TEP1: variants seen among roughly 807,000 people sequenced by gnomAD.
The protein encoded by TEP1 is telomerase protein component 1.
TEP1 carries 241 observed loss-of-function variants against 306.3 expected under a neutral mutation model. The observed-to-expected ratio is 0.79, with a 90% confidence interval of 0.71 to 0.88. TEP1 has a LOEUF of 0.88. Ranked by LOEUF, TEP1 falls within the 40% of genes least tolerant of loss-of-function variation. The pLI, the probability that TEP1 is intolerant of heterozygous loss-of-function variation, is 0.00. For missense variants in TEP1, 3,051 were observed against 3,276.1 expected (o/e 0.93, Z 1.68); for synonymous variants, 1,289 against 1,305.5 (o/e 0.99, Z 0.27).
In TEP1 at chr14:20,404,717, A is replaced by G; in HGVS notation, c.926T>C (p.Leu309Ser). ...LNVRNVANNI[L>S]AIAAFLPACR... is the part of the protein sequence containing the mutation. ...CGCCGGCAAGAAAGCAGCAATGGCC[A>G]AGATGTTATTGGCCACATTCCGGAC... The change falls in exon 5 of 55, where the codon TTG (leucine) becomes TCG (serine). Residue 309 changes from leucine (L) to serine (S), a missense_variant. Leu to Ser is a moderately radical substitution (Grantham distance 145, BLOSUM62 -2). This residue lies in a region of TEP1 where 1,507 missense variants were observed against 1,550.5 expected (regional missense o/e 0.97). Transcript: ENST00000262715. 1 of 1,614,156 alleles carries G rather than the reference A, an allele frequency of 6.2e-7. No individual in the cohort carries two copies. The highest frequency in any genetic ancestry group is 8.5e-7 in the Non-Finnish European group (1 of 1,180,008).
intron 20 of TEP1, among the ~76,000 whole-genome samples, chr14:20,385,388 T>C (rs1404655733): frequency 6.6e-6 from 1 of 152,218 alleles, no homozygotes; most frequent in African/African-American, 2.4e-5. Flanking sequence ...TTTTGTTTTT[T>C]TGAGACTGAG....
chr14:20,391,590 T>C lies in TEP1; in HGVS notation c.2097+9A>G. 3 of 1,607,880 alleles carry C rather than the reference T, an allele frequency of 1.9e-6. No individual in the cohort carries two copies. Among genetic ancestry groups the C allele is most frequent in the Non-Finnish European group, 2.6e-6 (3 of 1,175,522 alleles). Reference sequence around the variant, plus strand: ...CCAACCCCTTGGAGGATGCTTTTTGTTTTCTTACCCCTTGTGGGTTGCTCT... The same window carrying C: ...CCAACCCCTTGGAGGATGCTTTTTGCTTTCTTACCCCTTGTGGGTTGCTCT... On this transcript the variant is annotated intron_variant, in intron 13 of 54. Coordinates refer to ENST00000262715, the MANE Select transcript of TEP1 (RefSeq NM_007110.5).
intron 12 of TEP1, among the ~76,000 whole-genome samples, chr14:20,394,211 G>C (rs770400588): frequency 6.6e-5 from 10 of 152,116 alleles, no homozygotes; most frequent in Non-Finnish European, 1.3e-4. Flanking sequence ...CAAGTAGGTG[G>C]GACTACAAGT....
intron 12 of TEP1, among the ~76,000 whole-genome samples, chr14:20,392,882 T>C (rs1877837710): frequency 6.6e-6 from 1 of 152,138 alleles, no homozygotes; most frequent in South Asian, 2.1e-4. Context: ...ACATTTGTTT[T>C]AAAAATATCT....
Position 20,394,474 on chromosome 14 carries a change from CT to C in TEP1, c.1928+975del, listed in dbSNP as rs747749338. On this transcript the variant is annotated intron_variant, in intron 12 of 54. Coordinates refer to ENST00000262715, the MANE Select transcript of TEP1 (RefSeq NM_007110.5). ...ATACCATTTGGACTGGCCCCTTGGG[CT>C]TTTTTTTTTTTTTTTTTTTTTGAGA... 2.0e-3 allele frequency among the ~76,000 whole-genome samples: 201 copies of C among 100,436 alleles called. 1 individual carries two copies. The highest frequency in any genetic ancestry group is 9.1e-3 in the East Asian group (32 of 3,530). The allele number at this position is 100,436 out of a possible 152,430, so 65.9% of individuals were successfully genotyped here.
Position 20,368,345 on chromosome 14 carries a change from A to C in TEP1, c.*92T>G, listed in dbSNP as rs1884594502. 1.4e-6 allele frequency: 2 copies of C among 1,399,114 alleles called. No homozygotes were observed. Among genetic ancestry groups the C allele is most frequent in the Admixed American group, 2.2e-5 (1 of 44,564 alleles). The allele number at this position is 1,399,114 out of a possible 1,614,324, so 86.7% of individuals were successfully genotyped here. On this transcript the variant is annotated 3_prime_UTR_variant, in exon 55 of 55. Coordinates refer to ENST00000262715, the MANE Select transcript of TEP1 (RefSeq NM_007110.5). Reference sequence around the variant, plus strand: ...ACTTCATTTTTATAATTATCAAGAAATTATTAATTTTATAATTATTAAAAG... The same window carrying C: ...ACTTCATTTTTATAATTATCAAGAACTTATTAATTTTATAATTATTAAAAG...
Position 20,403,848 on chromosome 14 carries a change from G to A in TEP1, c.1069C>T (p.Leu357=). ...AEGDKNKLVP[L]PACLRTAMTD... ...ATGGCAGTACGGAGACAGGCGGGCA[G>A]GGGCACCAGCTTATTCTTATCTCCC... The change falls in exon 6 of 55, where the codon CTG becomes TTG. Residue 357 remains leucine (L), a synonymous_variant. Coordinates refer to ENST00000262715, the MANE Select transcript of TEP1 (RefSeq NM_007110.5). 6.2e-7 allele frequency: 1 copy of A among 1,614,146 alleles called. No homozygotes were observed. The highest frequency in any genetic ancestry group is 8.5e-7 in the Non-Finnish European group (1 of 1,180,028).
At chr14:20,410,641 T>C (rs1440382427) in intron 1 of TEP1, among the ~76,000 whole-genome samples, 1 of 149,352 alleles carries the variant, frequency 6.7e-6, no homozygotes, top group Non-Finnish European at 1.5e-5. Context: ...AGGGTTCCAC[T>C]ATGCTGGCCA....
rs1426758392 is a variant in TEP1, at chr14:20,367,419, A to G, written c.*1018T>C. On this transcript the variant is annotated 3_prime_UTR_variant, in exon 55 of 55. Coordinates refer to ENST00000262715, the MANE Select transcript of TEP1 (RefSeq NM_007110.5). ...CTTAAGAAAATCAGAGTTCATGGCT[A>G]TGATTGTGCCACCTCTCAATTAGTT... 3 of 151,884 alleles carry G rather than the reference A, an allele frequency of 2.0e-5. No homozygotes were observed. The highest frequency in any genetic ancestry group is 4.8e-5 in the African/African-American group (2 of 41,352). 9.4% of individuals were successfully genotyped at this position (151,884 alleles called of 1,614,324 possible). A position where few individuals can be genotyped will look rare whatever the true frequency, so the allele number is the denominator to read the frequency against.
At position 20,369,505 on chromosome 14, in the gene TEP1, A is replaced by C. The variant is rs769359774; in HGVS notation, c.7495T>G (p.Trp2499Gly). ...TTCTGCCACATGTTACCTGTGGTCC[A>C]TTCTCCTTCTGGGCTGCATTTGGCC... Reference protein sequence around the residue: ...NLAKCSPEGEWTTGNMWQKKA... With the variant: ...NLAKCSPEGEGTTGNMWQKKA... The change falls in exon 53 of 55, where the codon TGG (tryptophan) becomes GGG (glycine). Residue 2499 changes from tryptophan to glycine, a missense_variant. Coordinates refer to ENST00000262715, the MANE Select transcript of TEP1 (RefSeq NM_007110.5). 1 of 1,614,110 alleles carries C rather than the reference A, an allele frequency of 6.2e-7. No homozygotes were observed. Among genetic ancestry groups the C allele is most frequent in the South Asian group, 1.1e-5 (1 of 91,082 alleles).
chr14:20,396,442 A>C (rs74903356), intron 10 of TEP1, among the ~76,000 whole-genome samples, 179 bp downstream of exon 10: 8,769 of 152,318 alleles, frequency 0.058, 820 homozygotes, highest in African/African-American at 0.2. Flanking sequence ...ACTGAACCCC[A>C]AAACTTATCT....
intron 1 of TEP1, among the ~76,000 whole-genome samples, chr14:20,412,570 CT>C (rs1879754713): frequency 1.3e-5 from 2 of 151,978 alleles, no homozygotes. Context: ...ATCACCACTG[CT>C]TTTGCTTTTG....
chr14:20,381,575 G>A lies in TEP1; in HGVS notation c.4536C>T (p.Asp1512=), dbSNP rs370980799. Residue 1512 remains aspartate, a synonymous_variant, in exon 31 of 55, where the codon GAC becomes GAT. Coordinates refer to ENST00000262715, the MANE Select transcript of TEP1 (RefSeq NM_007110.5). The surrounding 1 kb of genome is among the most constrained non-coding windows in gnomAD (Gnocchi z 4.0). ...RCYGKRPGLE[D]TAHILIAAQL... ...CACCTGCAATGAGGATGTGTGCCGT[G>A]TCCTCTAGCCCTGGCCTCTTCCCAT... 20 of 1,613,652 alleles carry A rather than the reference G, an allele frequency of 1.2e-5. No homozygotes were observed. Among genetic ancestry groups the A allele is most frequent in the Non-Finnish European group, 1.5e-5 (18 of 1,180,028 alleles).
At chr14:20,406,718 T>C (rs1879206832) in intron 2 of TEP1, among the ~76,000 whole-genome samples, 1 of 152,242 alleles carries the variant, frequency 6.6e-6, no homozygotes, top group Non-Finnish European at 1.5e-5. Context: ...GTAAGATGTT[T>C]TGGGGGTCAG....
intron 9 of TEP1, among the ~76,000 whole-genome samples, chr14:20,399,986 G>A (rs572295170): frequency 4.0e-5 from 6 of 151,522 alleles, no homozygotes; most frequent in Admixed American, 1.3e-4. Context: ...GTGAAACGCC[G>A]TCTCTACTAA....
intron 9 of TEP1, among the ~76,000 whole-genome samples, chr14:20,399,672 A>T (rs949460865): frequency 4.8e-5 from 7 of 146,186 alleles, no homozygotes; most frequent in Non-Finnish European, 8.9e-5. Context: ...ATATACATAT[A>T]TTCTGGTGTA....
Position 20,408,081 on chromosome 14 carries a change from C to A in TEP1, c.359G>T (p.Ser120Ile), listed in dbSNP as rs371886185. 2 of 1,614,084 alleles carry A rather than the reference C, an allele frequency of 1.2e-6. No individual in the cohort carries two copies. The highest frequency in any genetic ancestry group is 1.7e-6 in the Non-Finnish European group (2 of 1,180,022). ...GAACAAGGGGCTGGCAGACACAGTG[C>A]TCTTTAGACTAGAGAGGGTGGCCAG... is the stretch of plus-strand genomic sequence containing the variant. The part of the protein sequence containing the change: ...RCLATLSSLK[S>I]TVSASPLFQS... The change falls in exon 2 of 55, where the codon AGC becomes ATC. Residue 120 changes from serine to isoleucine, a missense_variant. Physicochemically the swap from Ser to Ile is moderately radical, Grantham distance 142. Transcript: ENST00000262715.
Position 20,382,275 on chromosome 14 carries a change from C to G in TEP1, c.4222G>C (p.Gly1408Arg), listed in dbSNP as rs2229100. The change falls in exon 29 of 55, where the codon GGG (glycine) becomes CGG (arginine). Residue 1408 changes from glycine to arginine, a missense_variant. Gly to Arg is a moderately radical substitution (Grantham distance 125). This residue lies in a region of TEP1 where 1,540 missense variants were observed against 1,705.9 expected (regional missense o/e 0.90). Transcript: ENST00000262715. The stretch of plus-strand genomic sequence containing the variant: ...AAGGCCTGGGGAAGGACATCAGGCC[C>G]GTGCTCCTTCTCCAGTGTGCTCAGG... ...HILSTLEKEH[G>R]PDVLPQALTA... 2 of 1,614,092 alleles carry G rather than the reference C, an allele frequency of 1.2e-6. No individual in the cohort carries two copies. Among genetic ancestry groups the G allele is most frequent in the Non-Finnish European group, 1.7e-6 (2 of 1,180,018 alleles).
intron 12 of TEP1, among the ~76,000 whole-genome samples, chr14:20,394,361 C>G (rs1395841239): frequency 6.6e-6 from 1 of 152,116 alleles, no homozygotes; most frequent in Non-Finnish European, 1.5e-5. Context: ...GCCTTCAAAA[C>G]CTAGCATGTC....
Sources: gnomAD v4.1 joint callset for allele counts (sites outside exome capture counted in the v4.1 genomes callset) on GRCh38, gnomAD v4.1.1 for gene constraint, gnomAD v4.1.1 regional missense constraint, Gnocchi (gnomAD v3.1) non-coding constraint, MANE v1.5 for transcripts, NCBI Gene and HGNC (gene_info 2026-07-23, HGNC 2026-07-21) for gene names.